Variants in UNC80 observed in about 807,000 individuals in gnomAD.
The protein encoded by UNC80 is unc-80 subunit of NALCN channel complex.
Under a neutral mutation model 384.6 loss-of-function variants are expected in UNC80, and 164 were observed. The ratio of observed to expected loss-of-function variants is 0.43; its 90% CI spans 0.38 to 0.49. UNC80 has a LOEUF of 0.49. Among genes scored for constraint, UNC80 ranks in the 20% least tolerant of loss-of-function variants. The pLI, the probability that UNC80 is intolerant of heterozygous loss-of-function variation, is 0.00. For synonymous variants in UNC80, 1,486 were observed against 1,527.8 expected, an observed-to-expected ratio of 0.97 and a Z score of 0.64; for missense variants, 3,330 against 4,143.0, an observed-to-expected ratio of 0.80 and a Z score of 5.39.
chr2:209,862,851 T>A (rs2083445274), intron 22 of UNC80, among the ~76,000 whole-genome samples: 1 of 152,126 alleles, frequency 6.6e-6, no homozygotes, highest in South Asian at 2.1e-4. Context: ...TAGTTATTGT[T>A]ATTTGTGAAT....
chr2:209,940,936 T>C (rs2091587407), intron 43 of UNC80, among the ~76,000 whole-genome samples: 1 of 152,178 alleles, frequency 6.6e-6, no homozygotes, highest in African/African-American at 2.4e-5. Context: ...CTAGCTGAAA[T>C]AATTTATTTT....
At chr2:209,979,948 T>C (rs754911640) in intron 59 of UNC80, among the ~76,000 whole-genome samples, 2 of 152,166 alleles carry the variant, frequency 1.3e-5, no homozygotes, top group Non-Finnish European at 1.5e-5. Flanking sequence ...CCTACAACAG[T>C]TGGGAATGTA....
Position 209,982,331 on chromosome 2 carries a change from G to A in UNC80, c.9257+14G>A, listed in dbSNP as rs1400178679. ...ACCCAGCCAGAGGTAAACAGCTATG[G>A]TTATACTGTACTCTGCATTTGGGGG... On this transcript the variant is annotated intron_variant, in intron 60 of 64. Transcript: ENST00000673920. 6.5e-7 allele frequency: 1 copy of A among 1,547,798 alleles called. No individual in the cohort carries two copies. The highest frequency in any genetic ancestry group is 8.7e-7 in the Non-Finnish European group (1 of 1,145,438).
chr2:209,886,021 T>A (rs1342177635), intron 25 of UNC80, among the ~76,000 whole-genome samples: 1 of 152,070 alleles, frequency 6.6e-6, no homozygotes, highest in South Asian at 2.1e-4. Flanking sequence ...CCTTGGCCTC[T>A]CAAACTGCTG....
intron 52 of UNC80, chr2:209,968,432 G>A (rs530983476): frequency 6.6e-6 from 1 of 152,042 alleles, no homozygotes; most frequent in South Asian, 2.1e-4. Flanking sequence ...AGCACTTAAT[G>A]TTCAATTCAT....
intron 22 of UNC80, among the ~76,000 whole-genome samples, chr2:209,864,654 C>A (rs2124868150): frequency 6.6e-6 from 1 of 152,330 alleles, no homozygotes; most frequent in Non-Finnish European, 1.5e-5. Flanking sequence ...ACTGCCACAG[C>A]TGGTGTGTTG....
At position 209,999,144 on chromosome 2, in the gene UNC80, A is replaced by G. The variant is rs982658691; in HGVS notation, c.*3549A>G. On this transcript the variant is annotated 3_prime_UTR_variant, in exon 65 of 65. Coordinates refer to ENST00000673920, the MANE Select transcript of UNC80 (RefSeq NM_001371986.1). ...CACAGCCGACTTCCCTCAGATAACTATGAAGTCTATTATGAGTACTGAATG... is the reference window on the plus strand; with the variant it reads ...CACAGCCGACTTCCCTCAGATAACTGTGAAGTCTATTATGAGTACTGAATG... The G allele has an allele frequency of 1.3e-5, 2 of 152,374 alleles. No homozygotes were observed. Among genetic ancestry groups the G allele is most frequent in the Non-Finnish European group, 2.9e-5 (2 of 68,032 alleles). The allele number at this position is 152,374 out of a possible 1,614,324, so 9.4% of individuals were successfully genotyped here. A position where few individuals can be genotyped will look rare whatever the true frequency, so the allele number is the denominator to read the frequency against.
intron 7 of UNC80, chr2:209,808,800 C>CTACTCAGCGACCTCGTTGCCTCGGCA: frequency 1.6e-4 from 4 of 25,162 alleles, no homozygotes; most frequent in East Asian, 1.8e-3. Flanking sequence ...TTGCCTCTGC[C>CTACTCAGCGACCTCGTTGCCTCGGCA]ACCATGCCGC....
rs534825074 is a variant in UNC80, at chr2:209,868,813, G to A, written c.3628-3945G>A. Among the ~76,000 whole-genome samples, 221 of 152,070 alleles carry A rather than the reference G, an allele frequency of 1.5e-3. 1 individual carries two copies. Among genetic ancestry groups the A allele is most frequent in the African/African-American group, 5.0e-3 (207 of 41,486 alleles). On this transcript the variant is annotated intron_variant, in intron 22 of 64. Coordinates refer to ENST00000673920, the MANE Select transcript of UNC80 (RefSeq NM_001371986.1). ...GCTGATACGACTATTTTTGACCTTC[G>A]AATTTAGAAATTTCATAGGTTCAAT...
chr2:209,858,080 T>G (rs1454316986), intron 22 of UNC80, among the ~76,000 whole-genome samples: 1 of 152,262 alleles, frequency 6.6e-6, no homozygotes, highest in Non-Finnish European at 1.5e-5. Flanking sequence ...TCTCACTGTT[T>G]GATCTATCAA....
At chr2:209,964,785 C>CAA (rs1299831479) in intron 51 of UNC80, among the ~76,000 whole-genome samples, 187 of 57,580 alleles carry the variant, frequency 3.2e-3, no homozygotes, top group African/African-American at 0.01. Flanking sequence ...GACTCTGTCT[C>CAA]AAAAAAAAAA....
intron 39 of UNC80, 43 bp downstream of exon 39, chr2:209,934,048 A>T (rs1241629827): frequency 6.8e-7 from 1 of 1,471,214 alleles, no homozygotes; most frequent in Admixed American, 2.5e-5. Context: ...TTAAAAAAAA[A>T]TTATAAATAG....
In UNC80 at chr2:209,815,382, T is replaced by G. The variant is rs1253440143; in HGVS notation, c.1326T>G (p.Ile442Met). Residue 442 changes from isoleucine (I) to methionine (M), a missense_variant, in exon 9 of 65, where the codon ATT becomes ATG. Physicochemically the swap from Ile to Met is conservative, Grantham distance 10. Coordinates refer to ENST00000673920, the MANE Select transcript of UNC80 (RefSeq NM_001371986.1). ...PDLSSDLGMNIFKKFKSRKED... is the reference protein window; with the variant it reads ...PDLSSDLGMNMFKKFKSRKED... ...TTTCTTCAGACCTGGGCATGAATAT[T>G]TTTAAAAAGGTGAGTAGAAATGCTT... 6 of 1,550,886 alleles carry G rather than the reference T, an allele frequency of 3.9e-6. No homozygotes were observed. In the South Asian group the frequency reaches 7.1e-5, roughly 18 times the overall value.
At chr2:209,896,557 T>A in intron 28 of UNC80, 144 bp downstream of exon 28, 2 of 727,488 alleles carry the variant, frequency 2.7e-6, no homozygotes, top group Non-Finnish European at 4.7e-6. Flanking sequence ...TTTACCTGAA[T>A]ATCTCAACAC....
chr2:209,995,333 A>C lies in UNC80; in HGVS notation c.9713A>C (p.Glu3238Ala). 6.4e-7 allele frequency: 1 copy of C among 1,552,200 alleles called. No individual in the cohort carries two copies. Among genetic ancestry groups the C allele is most frequent in the South Asian group, 1.2e-5 (1 of 84,054 alleles). ...TTATGATCCTTTTGATCACAGAGTG[A>C]GAACTTCCCCACTGAAGAAGGAGAA... ...DLHSVSPKQS[E>A]NFPTEEGEKE... The change falls in exon 65 of 65, where the codon GAG becomes GCG. Residue 3238 changes from glutamate to alanine, a missense_variant. Coordinates refer to ENST00000673920, the MANE Select transcript of UNC80 (RefSeq NM_001371986.1).
chr2:209,872,466 A>G lies in UNC80; in HGVS notation c.3628-292A>G, dbSNP rs956585900. On this transcript the variant is annotated intron_variant, in intron 22 of 64. Coordinates refer to ENST00000673920, the MANE Select transcript of UNC80 (RefSeq NM_001371986.1). This position sits in a 1 kb window ranked among gnomAD's most constrained non-coding sequence, Gnocchi z 4.1. ...AAATCGCTGTCACCCTTAAATATAC[A>G]AAGTTGGAGACATGTAATTACTTGA... Among the ~76,000 whole-genome samples the G allele has an allele frequency of 2.0e-5, 3 of 152,160 alleles. No homozygotes were observed. Among genetic ancestry groups the G allele is most frequent in the African/African-American group, 7.2e-5 (3 of 41,428 alleles).
At chr2:209,978,760 A>G in intron 59 of UNC80, 52 bp downstream of exon 59, 1 of 1,429,980 alleles carries the variant, frequency 7.0e-7, no homozygotes, top group Non-Finnish European at 9.3e-7. Context: ...CCATACGAGC[A>G]GGGGCTTGGG....
Position 209,817,118 on chromosome 2 carries a change from C to G in UNC80, c.1545C>G (p.Thr515=), listed in dbSNP as rs1365858307. ...TTGAGAAAGGAGGCTGGCAAACCAC[C>G]ATTTTAGGTGACCACAAGGCCTTCC... ...RGIEKGGWQT[T]ILGKLTRRGS... is the part of the protein sequence containing the mutation. Residue 515 remains threonine (T), a synonymous_variant, in exon 10 of 65, where the codon ACC becomes ACG. Transcript: ENST00000673920. 2 of 1,551,474 alleles carry G rather than the reference C, an allele frequency of 1.3e-6. No homozygotes were observed. Among genetic ancestry groups the G allele is most frequent in the Admixed American group, 3.9e-5 (2 of 51,002 alleles).
At chr2:209,968,981 T>C (rs553435952) in intron 52 of UNC80, 1 of 152,344 alleles carries the variant, frequency 6.6e-6, no homozygotes, top group African/African-American at 2.4e-5. Flanking sequence ...AGATGTCACA[T>C]AGCCTCATTT....
Sources: gnomAD v4.1 joint callset for allele counts (sites outside exome capture counted in the v4.1 genomes callset) on GRCh38, gnomAD v4.1.1 for gene constraint, Gnocchi (gnomAD v3.1) non-coding constraint, MANE v1.5 for transcripts, NCBI Gene and HGNC (gene_info 2026-07-23, HGNC 2026-07-21) for gene names.